Variants in CACNG3 observed in about 807,000 individuals in gnomAD.
CACNG3 encodes the protein voltage-dependent calcium channel gamma-3 subunit.
A neutral mutation model predicts 28.5 loss-of-function variants in CACNG3; 3 were observed. The ratio of observed to expected loss-of-function variants is 0.11; its 90% CI spans 0.05 to 0.27. The LOEUF (loss-of-function observed/expected upper bound fraction) is 0.27. CACNG3 is among the 10% of genes least tolerant of loss of function. The probability of loss-of-function intolerance (pLI) is 1.00; values close to 1 mark genes in which losing one functional copy is unlikely to be tolerated. For synonymous variants in CACNG3, 174 were observed against 162.2 expected (o/e 1.07, Z -0.55); for missense variants, 236 against 414.4 (o/e 0.57, Z 3.74).
At chr16:24,296,235 T>G (rs1019981186) in intron 1 of CACNG3, among the ~76,000 whole-genome samples, 2 of 152,146 alleles carry the variant, frequency 1.3e-5, no homozygotes, top group East Asian at 3.9e-4. Flanking sequence ...CACCTAGGGA[T>G]TTACATGGCC....
chr16:24,339,602 C>A (rs144397209), intron 1 of CACNG3, among the ~76,000 whole-genome samples: 36 of 152,162 alleles, frequency 2.4e-4, no homozygotes, highest in African/African-American at 7.2e-4. Context: ...GCCAGGCTGG[C>A]CTCGAACTCC....
At chr16:24,347,995 C>A (rs1233450066) in intron 2 of CACNG3, among the ~76,000 whole-genome samples, 1 of 152,200 alleles carries the variant, frequency 6.6e-6, no homozygotes, top group Non-Finnish European at 1.5e-5. Context: ...ATGGGATTAG[C>A]AATGCAAAAT....
At chr16:24,353,334 C>T (rs974420410) in intron 2 of CACNG3, among the ~76,000 whole-genome samples, 1 of 152,202 alleles carries the variant, frequency 6.6e-6, no homozygotes, top group Admixed American at 6.5e-5. Context: ...TCCTGCCTGT[C>T]ATTGCTACTA....
At chr16:24,315,451 C>T (rs1345852257) in intron 1 of CACNG3, among the ~76,000 whole-genome samples, 1 of 145,178 alleles carries the variant, frequency 6.9e-6, no homozygotes, top group Non-Finnish European at 1.5e-5. Flanking sequence ...GCCTTCCTTC[C>T]TTCCTTCTTT....
chr16:24,338,674 T>C (rs1466953965), intron 1 of CACNG3, among the ~76,000 whole-genome samples: 1 of 152,170 alleles, frequency 6.6e-6, no homozygotes, highest in East Asian at 1.9e-4. Flanking sequence ...AAAGCTCGGT[T>C]ATATTGTCTA....
chr16:24,265,005 A>G (rs1181512909), intron 1 of CACNG3, among the ~76,000 whole-genome samples: 1 of 152,154 alleles, frequency 6.6e-6, no homozygotes, highest in African/African-American at 2.4e-5. Flanking sequence ...TTGAGAGGCC[A>G]AGGAAGGTGG....
At position 24,290,755 on chromosome 16, in the gene CACNG3, A is replaced by C. The variant is rs184977294; in HGVS notation, c.211+33790A>C. Among the ~76,000 whole-genome samples, 12 of 152,228 alleles carry C rather than the reference A, an allele frequency of 7.9e-5. No individual in the cohort carries two copies. The East Asian group carries it at 2.1e-3, about 27-fold the overall frequency. ...CACCCAGCCTATGGGTTGTTTTTTT[A>C]GAGTAAAGTGAAAGAATATATGTGA... is the stretch of plus-strand genomic sequence containing the variant. On this transcript the variant is annotated intron_variant, in intron 1 of 3. Transcript: ENST00000005284.
chr16:24,328,602 A>G (rs1445468443), intron 1 of CACNG3, among the ~76,000 whole-genome samples: 3 of 150,306 alleles, frequency 2.0e-5, no homozygotes, highest in Admixed American at 6.6e-5. Context: ...ACTAGGCAAT[A>G]AATATAAACA....
intron 3 of CACNG3, among the ~76,000 whole-genome samples, chr16:24,357,581 G>A (rs147030424): frequency 6.6e-5 from 10 of 152,290 alleles, no homozygotes; most frequent in African/African-American, 2.4e-4. Context: ...TCTGAGAACC[G>A]ACTCAAGCAA....
chr16:24,353,303 C>T (rs889602853), intron 2 of CACNG3, among the ~76,000 whole-genome samples: 3 of 152,182 alleles, frequency 2.0e-5, no homozygotes, highest in African/African-American at 7.2e-5. Flanking sequence ...TTGCACAAGG[C>T]CCTGTAAATT....
At chr16:24,270,792 G>T (rs1596622164) in intron 1 of CACNG3, among the ~76,000 whole-genome samples, 1 of 152,172 alleles carries the variant, frequency 6.6e-6, no homozygotes, top group East Asian at 1.9e-4. Context: ...GGGGTGGGTG[G>T]GGATGAAATT....
chr16:24,269,866 T>G (rs551570680), intron 1 of CACNG3, among the ~76,000 whole-genome samples: 27 of 151,120 alleles, frequency 1.8e-4, no homozygotes, highest in South Asian at 1.5e-3. Flanking sequence ...ATTTGTTGTT[T>G]TTTTTTTTCC....
At chr16:24,270,370 A>T (rs1036721548) in intron 1 of CACNG3, among the ~76,000 whole-genome samples, 9 of 152,234 alleles carry the variant, frequency 5.9e-5, no homozygotes, top group Non-Finnish European at 1.0e-4. Flanking sequence ...AATATGTATT[A>T]CCAAGTAAGT....
chr16:24,301,043 CAAA>C (rs71381659), intron 1 of CACNG3, among the ~76,000 whole-genome samples: 1 of 104,668 alleles, frequency 9.6e-6, no homozygotes. Context: ...GGCTCCATCT[CAAA>C]AAAAAAAAAA....
chr16:24,290,676 T>A (rs1898954788), intron 1 of CACNG3, among the ~76,000 whole-genome samples: 1 of 152,192 alleles, frequency 6.6e-6, no homozygotes, highest in Admixed American at 6.5e-5. Context: ...TAGGCTCAAG[T>A]GGTGTACCTA....
chr16:24,287,004 T>A (rs1452604696), intron 1 of CACNG3, among the ~76,000 whole-genome samples: 2 of 152,210 alleles, frequency 1.3e-5, no homozygotes, highest in East Asian at 3.8e-4. Context: ...CAGAGATAAC[T>A]GAGTGAGCAT....
intron 1 of CACNG3, among the ~76,000 whole-genome samples, chr16:24,273,026 G>A (rs1898709553): frequency 6.6e-6 from 1 of 152,046 alleles, no homozygotes; most frequent in African/African-American, 2.4e-5. Flanking sequence ...GCCCCAGTGT[G>A]TGTTGTTCCC....
chr16:24,342,747 A>T (rs890243013), intron 1 of CACNG3, among the ~76,000 whole-genome samples: 3 of 152,192 alleles, frequency 2.0e-5, no homozygotes, highest in African/African-American at 7.2e-5. Flanking sequence ...TTATTTTCCG[A>T]CGCTGAAATC....
intron 1 of CACNG3, among the ~76,000 whole-genome samples, chr16:24,267,751 C>A (rs145268088): frequency 6.6e-6 from 1 of 152,144 alleles, no homozygotes; most frequent in Admixed American, 6.5e-5. Flanking sequence ...CTCACTGCAA[C>A]CTCCGCCTCC....
Sources: allele counts gnomAD v4.1 joint callset (sites outside exome capture counted in the v4.1 genomes callset), GRCh38; gene constraint gnomAD v4.1.1; transcripts MANE v1.5; gene names NCBI Gene and HGNC (gene_info 2026-07-23, HGNC 2026-07-21).